Variants in TBC1D9 observed in about 807,000 individuals in gnomAD.
The protein encoded by TBC1D9 is TBC1 domain family member 9A.
In TBC1D9, 63 loss-of-function variants were observed where a neutral mutation model predicts 132.0. The observed-to-expected ratio is 0.48, with a 90% CI of 0.39 to 0.59. The LOEUF (loss-of-function observed/expected upper bound fraction) is 0.59, where lower values mean the gene tolerates loss of function less well. Among genes scored for constraint, TBC1D9 ranks in the 20% least tolerant of loss-of-function variants. The pLI is 0.00. For missense variants in TBC1D9, 1,261 were observed against 1,592.7 expected (o/e 0.79, Z 3.54); for synonymous variants, 610 against 609.9 (o/e 1.00, Z 0.00).
chr4:140,717,164 T>G (rs1161726491), intron 1 of TBC1D9, among the ~76,000 whole-genome samples: 1 of 152,206 alleles, frequency 6.6e-6, no homozygotes, highest in Non-Finnish European at 1.5e-5. Flanking sequence ...TTCTGTTACA[T>G]CACCCTAAAT....
intron 13 of TBC1D9, chr4:140,643,380 T>C: frequency 7.9e-7 from 1 of 1,267,218 alleles, no homozygotes; most frequent in Non-Finnish European, 1.1e-6. Context: ...AGGCCTGGCC[T>C]GGGGCAGCTC....
chr4:140,627,818 G>A (rs1736732342), intron 17 of TBC1D9, among the ~76,000 whole-genome samples: 1 of 152,102 alleles, frequency 6.6e-6, no homozygotes. Context: ...AAAATTTTAG[G>A]AAACTGTACG....
intron 13 of TBC1D9, among the ~76,000 whole-genome samples, chr4:140,645,931 A>C (rs558121061): frequency 1.8e-4 from 27 of 152,362 alleles, no homozygotes; most frequent in Non-Finnish European, 3.4e-4. Flanking sequence ...ATAAACGCTC[A>C]GAGAAACAGT....
rs549983853 is a variant in TBC1D9, at chr4:140,701,677, G to A, written c.131-63C>T. 6.2e-5 allele frequency: 81 copies of A among 1,297,910 alleles called. No individual in the cohort carries two copies. The South Asian group carries it at 8.6e-4, about 14-fold the overall frequency. The allele number at this position is 1,297,910 out of a possible 1,614,324, so 80.4% of individuals were successfully genotyped here. ...CCTTAGTACTTTCCCACATTCCCAG[G>A]GGCAGCATGAACATGCCCTTTCATG... On this transcript the variant is annotated intron_variant, in intron 1 of 20. Coordinates refer to ENST00000442267, the MANE Select transcript of TBC1D9 (RefSeq NM_015130.3).
chr4:140,648,684 C>T (rs1737141627), intron 13 of TBC1D9, among the ~76,000 whole-genome samples: 1 of 152,122 alleles, frequency 6.6e-6, no homozygotes, highest in Non-Finnish European at 1.5e-5. Context: ...TGGCACCTGG[C>T]CAGAAAGGCA....
intron 9 of TBC1D9, among the ~76,000 whole-genome samples, chr4:140,664,033 T>A (rs995850549): frequency 2.2e-5 from 2 of 90,080 alleles, no homozygotes; most frequent in Non-Finnish European, 4.3e-5. Context: ...CACCAAACTC[T>A]CCCCACCAAA....
chr4:140,730,102 G>A (rs1285249963), intron 1 of TBC1D9, among the ~76,000 whole-genome samples: 1 of 152,130 alleles, frequency 6.6e-6, no homozygotes, highest in African/African-American at 2.4e-5. Context: ...GTCTCTTTGT[G>A]TAACTTCATA....
chr4:140,629,041 G>A (rs546510847), intron 16 of TBC1D9, among the ~76,000 whole-genome samples: 97 of 152,272 alleles, frequency 6.4e-4, no homozygotes, highest in African/African-American at 2.1e-3. Flanking sequence ...TTTGGAAAAA[G>A]AAGAAAAATA....
rs944455166 is a variant in TBC1D9 at position 140,755,903 on chromosome 4, C to T, written c.130+13G>A. The T allele has an allele frequency of 2.6e-6, 4 of 1,540,362 alleles. No individual in the cohort carries two copies. The highest frequency in any genetic ancestry group is 1.4e-5 in the African/African-American group (1 of 71,648). Reference sequence around the variant, plus strand: ...CCGGCTCCCCTCCTGCAGGGATCGGCCACGGTCCTTACCCGCCAGTCCGCC... The same window carrying T: ...CCGGCTCCCCTCCTGCAGGGATCGGTCACGGTCCTTACCCGCCAGTCCGCC... On this transcript the variant is annotated intron_variant, in intron 1 of 20. Transcript: ENST00000442267.
intron 3 of TBC1D9, among the ~76,000 whole-genome samples, chr4:140,684,499 G>T (rs1737751225): frequency 6.6e-6 from 1 of 151,956 alleles, no homozygotes; most frequent in Admixed American, 6.6e-5. Context: ...CCTCATAATT[G>T]GTTTCAGGGG....
chr4:140,665,441 T>C (rs1387189636), intron 9 of TBC1D9, among the ~76,000 whole-genome samples: 1 of 152,132 alleles, frequency 6.6e-6, no homozygotes, highest in African/African-American at 2.4e-5. Context: ...GAGTACATAT[T>C]TCTACAAAGA....
intron 16 of TBC1D9, among the ~76,000 whole-genome samples, chr4:140,630,642 T>G (rs1173428233): frequency 1.3e-5 from 2 of 152,224 alleles, no homozygotes; most frequent in Non-Finnish European, 2.9e-5. Context: ...GAGTTTGTTT[T>G]TCGAGTGGTG....
Position 140,621,906 on chromosome 4 carries a change from T to C in TBC1D9, c.*289A>G. On this transcript the variant is annotated 3_prime_UTR_variant, in exon 21 of 21. Coordinates refer to ENST00000442267, the MANE Select transcript of TBC1D9 (RefSeq NM_015130.3). ...GCTCAACAGCAAGATTAATAAGTTA[T>C]AATACACACATATCACTGACAGATT... 6.8e-6 allele frequency: 2 copies of C among 295,600 alleles called. No homozygotes were observed. The highest frequency in any genetic ancestry group is 1.2e-5 in the Non-Finnish European group (2 of 161,104). 18.3% of individuals were successfully genotyped at this position (295,600 alleles called of 1,614,324 possible). A position where few individuals can be genotyped will look rare whatever the true frequency, so the allele number is the denominator to read the frequency against.
chr4:140,654,205 G>A (rs553674604), intron 13 of TBC1D9, among the ~76,000 whole-genome samples: 1 of 152,350 alleles, frequency 6.6e-6, no homozygotes, highest in South Asian at 2.1e-4. Context: ...CTGACACCAA[G>A]TCCTGCCCCT....
chr4:140,740,759 G>A (rs1299122813), intron 1 of TBC1D9, among the ~76,000 whole-genome samples: 4 of 152,194 alleles, frequency 2.6e-5, no homozygotes, highest in Non-Finnish European at 5.9e-5. Context: ...ATAGAGAGGA[G>A]TGAGACTTAT....
chr4:140,621,438 T>C lies in TBC1D9; in HGVS notation c.*757A>G, dbSNP rs568694350. ...TGTCTTTGCTGCTACTTTCAGATTC[T>C]CTGTGACAAAAGACTGTTACTTTTC... is the stretch of plus-strand genomic sequence containing the variant. On this transcript the variant is annotated 3_prime_UTR_variant, in exon 21 of 21. Coordinates refer to ENST00000442267, the MANE Select transcript of TBC1D9 (RefSeq NM_015130.3). 6.6e-6 allele frequency: 1 copy of C among 152,350 alleles called. No individual in the cohort carries two copies. The highest frequency in any genetic ancestry group is 2.4e-5 in the African/African-American group (1 of 41,594). The allele number at this position is 152,350 out of a possible 1,614,324, so 9.4% of individuals were successfully genotyped here. A position where few individuals can be genotyped will look rare whatever the true frequency, so the allele number is the denominator to read the frequency against.
rs765900374 is a variant in TBC1D9 at position 140,622,187 on chromosome 4, C to G, written c.*8G>C. On this transcript the variant is annotated 3_prime_UTR_variant, in exon 21 of 21. Transcript: ENST00000442267. ...CTCTCCTCCCACTCCCCCGGGAAGG[C>G]GCCCGTGTCAGCCGGACATGGCCGA... The G allele has an allele frequency of 1.3e-6, 2 of 1,563,700 alleles. No homozygotes were observed. Among genetic ancestry groups the G allele is most frequent in the South Asian group, 2.4e-5 (2 of 84,982 alleles).
chr4:140,672,649 T>C (rs1220619942), intron 6 of TBC1D9, among the ~76,000 whole-genome samples: 2 of 152,124 alleles, frequency 1.3e-5, no homozygotes, highest in African/African-American at 4.8e-5. Context: ...ATAAAACATA[T>C]AAATGCTCAG....
rs1737490254 is a variant in TBC1D9 at position 140,668,918 on chromosome 4, T to C, written c.1587A>G (p.Ser529=). Residue 529 remains serine (S), a splice_region_variant and synonymous_variant, in exon 9 of 21, where the codon TCA becomes TCG. Transcript: ENST00000442267. ...GCATTCCCAGCCCAGCGGCCGTACC[T>C]GACAGCAGCAGCCAGAGCTCCCCAC... The part of the protein sequence containing the change: ...SMRGELWLLL[S]GAINEKATHP... 1 of 1,613,650 alleles carries C rather than the reference T, an allele frequency of 6.2e-7. No individual in the cohort carries two copies. The highest frequency in any genetic ancestry group is 1.3e-5 in the African/African-American group (1 of 74,928).
Sources: allele counts gnomAD v4.1 joint callset (sites outside exome capture counted in the v4.1 genomes callset), GRCh38; gene constraint gnomAD v4.1.1; transcripts MANE v1.5; gene names NCBI Gene and HGNC (gene_info 2026-07-23, HGNC 2026-07-21).